The following HDAC4 variants were observed in gnomAD, a reference collection of about 807,000 sequenced individuals.
HDAC4 encodes histone deacetylase A.
Under a neutral mutation model 135.1 loss-of-function variants are expected in HDAC4, and 16 were observed. The ratio of observed to expected loss-of-function variants is 0.12; its 90% CI spans 0.08 to 0.18. The LOEUF (loss-of-function observed/expected upper bound fraction) is 0.18, where lower values mean the gene tolerates loss of function less well. Among genes scored for constraint, HDAC4 ranks in the 10% least tolerant of loss-of-function variants. The pLI, the probability that HDAC4 is intolerant of heterozygous loss-of-function variation, is 1.00. For missense variants in HDAC4, 1,143 were observed against 1,511.8 expected, an observed-to-expected ratio of 0.76 and a Z score of 4.05; for synonymous variants, 685 against 653.4, an observed-to-expected ratio of 1.05 and a Z score of -0.74.
Position 239,309,546 on chromosome 2 carries a change from C to T in HDAC4, c.22+43132G>A, listed in dbSNP as rs2052772135. Among the ~76,000 whole-genome samples, 1 of 152,264 alleles carries T rather than the reference C, an allele frequency of 6.6e-6. No homozygotes were observed. Among genetic ancestry groups the T allele is most frequent in the Non-Finnish European group, 1.5e-5 (1 of 68,050 alleles). ...CGAGTTAGAGGGAAATACGATTTAT[C>T]TCTGGCCTGCATTTACTTCTCCTGC... On this transcript the variant is annotated intron_variant, in intron 2 of 26. Transcript: ENST00000543185. This position sits in a 1 kb window ranked among gnomAD's most constrained non-coding sequence, Gnocchi z 4.2.
chr2:239,156,108 C>G (rs2042406714), intron 7 of HDAC4, among the ~76,000 whole-genome samples: 1 of 152,254 alleles, frequency 6.6e-6, no homozygotes, highest in South Asian at 2.1e-4. Context: ...TGCCTAAATG[C>G]CCTTCTCCCT....
intron 1 of HDAC4, among the ~76,000 whole-genome samples, chr2:239,379,447 C>T (rs752094695): frequency 1.3e-5 from 2 of 152,172 alleles, no homozygotes; most frequent in Non-Finnish European, 2.9e-5. Context: ...GCCTGTCACC[C>T]TCCAGTCCCT....
At chr2:239,265,662 G>A (rs890874552) in intron 2 of HDAC4, among the ~76,000 whole-genome samples, 4 of 152,214 alleles carry the variant, frequency 2.6e-5, no homozygotes, top group East Asian at 3.9e-4. Context: ...AGGCCACAGC[G>A]CCGGCACCAA....
chr2:239,099,443 T>G (rs1449806285), intron 16 of HDAC4, among the ~76,000 whole-genome samples: 3 of 152,236 alleles, frequency 2.0e-5, no homozygotes, highest in Non-Finnish European at 4.4e-5. Flanking sequence ...GCAAAGATCT[T>G]GTCCCCTCAT....
chr2:239,392,066 A>G (rs1214595098), intron 1 of HDAC4, among the ~76,000 whole-genome samples: 1 of 152,166 alleles, frequency 6.6e-6, no homozygotes, highest in Non-Finnish European at 1.5e-5. Flanking sequence ...CTCCCACACC[A>G]GGCCCCATCC....
At chr2:239,377,129 G>T (rs1695066318) in intron 1 of HDAC4, among the ~76,000 whole-genome samples, 1 of 152,178 alleles carries the variant, frequency 6.6e-6, no homozygotes, top group Non-Finnish European at 1.5e-5. Flanking sequence ...CCCAAAGCCG[G>T]GGTGGGCTGC....
At position 239,373,882 on chromosome 2, in the gene HDAC4, T is replaced by G. The variant is rs1198898956; in HGVS notation, c.-219-20964A>C. Among the ~76,000 whole-genome samples the G allele has an allele frequency of 2.6e-5, 4 of 152,236 alleles. No homozygotes were observed. In the East Asian group the frequency reaches 7.7e-4, roughly 29 times the overall value. On this transcript the variant is annotated intron_variant, in intron 1 of 26. Transcript: ENST00000543185. ...TGAGGACGGGTCCTTGATGCCCCAA[T>G]TGTCTTTGGAGATTTCTCTTGCTTT...
intron 16 of HDAC4, among the ~76,000 whole-genome samples, chr2:239,096,681 A>T: frequency 2.3e-5 from 1 of 43,350 alleles, no homozygotes; most frequent in Non-Finnish European, 3.9e-5. Context: ...CATGGACGCC[A>T]GCACCCCCCA....
intron 2 of HDAC4, among the ~76,000 whole-genome samples, chr2:239,334,390 A>T (rs1193785030): frequency 6.6e-6 from 1 of 152,044 alleles, no homozygotes. Context: ...GCATGGTGGC[A>T]TGTGCCTGTA....
chr2:239,256,845 C>T (rs1356171765), intron 2 of HDAC4, among the ~76,000 whole-genome samples: 1 of 151,802 alleles, frequency 6.6e-6, no homozygotes, highest in East Asian at 1.9e-4. Flanking sequence ...AACAGTTTGA[C>T]CTTAACATGC....
intron 3 of HDAC4, among the ~76,000 whole-genome samples, chr2:239,192,534 G>C (rs914132383): frequency 9.9e-5 from 15 of 152,200 alleles, no homozygotes; most frequent in Admixed American, 4.6e-4. Context: ...AAAAGAGAAC[G>C]GGGCCTGGCT....
intron 22 of HDAC4, among the ~76,000 whole-genome samples, chr2:239,070,485 A>T (rs1160300930): frequency 6.6e-6 from 1 of 152,264 alleles, no homozygotes; most frequent in Non-Finnish European, 1.5e-5. Flanking sequence ...CTATGAATCC[A>T]TATGTGTGCT....
chr2:239,343,113 G>C (rs539492896), intron 2 of HDAC4, among the ~76,000 whole-genome samples: 2 of 152,352 alleles, frequency 1.3e-5, no homozygotes, highest in East Asian at 3.9e-4. Context: ...AAGCAAACCA[G>C]TTTAAAAGCT....
At chr2:239,212,327 T>C (rs531760575) in intron 3 of HDAC4, among the ~76,000 whole-genome samples, 1 of 152,150 alleles carries the variant, frequency 6.6e-6, no homozygotes, top group Middle Eastern at 3.4e-3. Flanking sequence ...AATTGCTTCC[T>C]GTAAAGAACA....
At chr2:239,300,852 C>T (rs1444245076) in intron 2 of HDAC4, among the ~76,000 whole-genome samples, 3 of 152,236 alleles carry the variant, frequency 2.0e-5, no homozygotes, top group East Asian at 1.9e-4. Flanking sequence ...GAAAGAAGCT[C>T]GTTTTCCTCA....
At chr2:239,197,901 T>G (rs1279304842) in intron 3 of HDAC4, among the ~76,000 whole-genome samples, 10 of 142,144 alleles carry the variant, frequency 7.0e-5, no homozygotes, top group African/African-American at 2.6e-4. Flanking sequence ...TCACCCAGGC[T>G]GGACTGCAGT....
chr2:239,294,534 T>C (rs867237213), intron 2 of HDAC4, among the ~76,000 whole-genome samples: 15 of 152,116 alleles, frequency 9.9e-5, no homozygotes, highest in African/African-American at 3.4e-4. Flanking sequence ...CTGTTAGACC[T>C]AGGCTTCTGA....
At chr2:239,095,896 C>T (rs765232797) in intron 16 of HDAC4, among the ~76,000 whole-genome samples, 29 of 152,190 alleles carry the variant, frequency 1.9e-4, no homozygotes, top group African/African-American at 6.3e-4. Flanking sequence ...CCGCAGCCCC[C>T]GGCCCCTTCC....
chr2:239,399,078 C>A (rs1469965849), intron 1 of HDAC4, among the ~76,000 whole-genome samples: 1 of 152,184 alleles, frequency 6.6e-6, no homozygotes, highest in African/African-American at 2.4e-5. Flanking sequence ...AATGTGAGTT[C>A]TTCTGGGGAA....
Sources: allele counts gnomAD v4.1 joint callset (sites outside exome capture counted in the v4.1 genomes callset), GRCh38; gene constraint gnomAD v4.1.1; non-coding constraint Gnocchi (gnomAD v3.1); transcripts MANE v1.5; gene names NCBI Gene and HGNC (gene_info 2026-07-23, HGNC 2026-07-21).